C11orf65: variants seen among roughly 807,000 people sequenced by gnomAD.
C11orf65 encodes the protein protein MFI.
Under a neutral mutation model 35.3 loss-of-function variants are expected in C11orf65, and 38 were observed. The observed-to-expected ratio is 1.08, with a 90% CI of 0.83 to 1.41. The LOEUF is 1.41. Ranked by LOEUF, C11orf65 falls within the 40% of genes most tolerant of loss-of-function variation. The pLI is 0.00. For missense variants in C11orf65, 370 were observed against 367.1 expected (o/e 1.01, Z -0.06); for synonymous variants, 105 against 114.4 (o/e 0.92, Z 0.53).
At chr11:108,408,886 T>A (rs1426576443) in intron 3 of C11orf65, among the ~76,000 whole-genome samples, 1 of 151,986 alleles carries the variant, frequency 6.6e-6, no homozygotes, top group Non-Finnish European at 1.5e-5. Flanking sequence ...ATAGATGTTA[T>A]TCAACCTATA....
intron 2 of C11orf65, among the ~76,000 whole-genome samples, chr11:108,337,619 C>T (rs1457639182): frequency 1.3e-5 from 2 of 152,202 alleles, no homozygotes; most frequent in Non-Finnish European, 2.9e-5. Context: ...TTGAGACCCA[C>T]CAGTCTACTT....
intron 2 of C11orf65, among the ~76,000 whole-genome samples, chr11:108,457,998 C>T (rs1020691418): frequency 1.1e-4 from 17 of 152,132 alleles, no homozygotes; most frequent in Non-Finnish European, 1.9e-4. Flanking sequence ...ATGACTTTCA[C>T]AGTTAGCTCT....
Position 108,460,794 on chromosome 11 carries a change from C to T in C11orf65, c.81+685G>A, listed in dbSNP as rs143919391. On this transcript the variant is annotated intron_variant, in intron 2 of 8. Coordinates refer to ENST00000393084, the MANE Select transcript of C11orf65 (RefSeq NM_152587.5). ...AGGCTGAAGTGCAATGGCGTGATCTCGGCTCATCACAACCTCCGCCTCCCA... is the reference window on the plus strand; with the variant it reads ...AGGCTGAAGTGCAATGGCGTGATCTTGGCTCATCACAACCTCCGCCTCCCA... 9.8e-3 allele frequency among the ~76,000 whole-genome samples: 1,490 copies of T among 152,110 alleles called. 30 individuals carry two copies. Among genetic ancestry groups the T allele is most frequent in the African/African-American group, 0.034 (1,410 of 41,484 alleles).
At chr11:108,311,489 AGACT>A (rs1305357327) in intron 6 of C11orf65, among the ~76,000 whole-genome samples, 1 of 152,156 alleles carries the variant, frequency 6.6e-6, no homozygotes, top group Non-Finnish European at 1.5e-5. Flanking sequence ...TGTGACCAGG[AGACT>A]GAGACCAGCT....
chr11:108,453,081 A>G (rs1244318334), intron 2 of C11orf65, among the ~76,000 whole-genome samples: 3 of 149,756 alleles, frequency 2.0e-5, no homozygotes, highest in African/African-American at 7.4e-5. Flanking sequence ...GCACACCAAC[A>G]TGGCACATGT....
At chr11:108,466,921 T>C (rs1244649278) in intron 1 of C11orf65, among the ~76,000 whole-genome samples, 1 of 152,234 alleles carries the variant, frequency 6.6e-6, no homozygotes, top group Non-Finnish European at 1.5e-5. Context: ...GTGGCCTTTA[T>C]AAGTTTCGTA....
rs876660927 is a variant in C11orf65, at chr11:108,345,795, G to A, written c.227-10503C>T. On this transcript the variant is annotated intron_variant, in intron 2 of 3. Coordinates refer to the C11orf65 transcript ENST00000524755. ...AAATATGAAGTCTTCATGGATGTTT[G>A]CCAAAATTTTCAACCAGTTTTCCGT... is the stretch of plus-strand genomic sequence containing the variant. 3 of 1,613,700 alleles carry A rather than the reference G, an allele frequency of 1.9e-6. No homozygotes were observed. The East Asian group carries it at 6.7e-5, about 36-fold the overall frequency.
At chr11:108,413,859 TTGAAATAAA>T (rs1591502441) in intron 3 of C11orf65, among the ~76,000 whole-genome samples, 1 of 151,990 alleles carries the variant, frequency 6.6e-6, no homozygotes, top group Admixed American at 6.6e-5. Context: ...TAAAAATACT[TTGAAATAAA>T]TGAAAACGAA....
intron 2 of C11orf65, among the ~76,000 whole-genome samples, chr11:108,376,036 G>A (rs2091714611): frequency 6.6e-6 from 1 of 151,990 alleles, no homozygotes; most frequent in Non-Finnish European, 1.5e-5. Context: ...CAATAATAAT[G>A]GGAGACTTTA....
intron 6 of C11orf65, among the ~76,000 whole-genome samples, chr11:108,404,086 A>AGTC (rs1245155419): frequency 6.6e-6 from 1 of 152,044 alleles, no homozygotes; most frequent in East Asian, 1.9e-4. Context: ...TGTTCTTTCC[A>AGTC]AATCCCTGAC....
At chr11:108,382,215 A>G (rs1198702230), downstream of C11orf65, among the ~76,000 whole-genome samples, 1 of 152,122 alleles carries the variant, frequency 6.6e-6, no homozygotes, top group African/African-American at 2.4e-5. Flanking sequence ...TGAGATAATA[A>G]CTGTTGCTTT....
rs2136057998 is a variant in C11orf65, at chr11:108,312,399, T to C, written c.641-3328A>G. ...ATGTTCTCATTAAAAGAGGTGTTCT[T>C]GTGACAAACAGAAGTCTTGCATTTG... On this transcript the variant is annotated intron_variant, in intron 6 of 6. Transcript: ENST00000525729. The C allele has an allele frequency of 1.3e-6, 2 of 1,557,090 alleles. No homozygotes were observed. The highest frequency in any genetic ancestry group is 1.8e-6 in the Non-Finnish European group (2 of 1,128,284).
At chr11:108,385,750 T>C (rs1329082576) in intron 8 of C11orf65, among the ~76,000 whole-genome samples, 170 bp downstream of exon 8, 1 of 152,190 alleles carries the variant, frequency 6.6e-6, no homozygotes, top group Non-Finnish European at 1.5e-5. Context: ...GACATTTCCT[T>C]CTATTCCCAA....
rs187352962 is a variant in C11orf65, at chr11:108,422,174, C to T, written c.174+9572G>A. 8.5e-5 allele frequency among the ~76,000 whole-genome samples: 13 copies of T among 152,272 alleles called. 1 individual carries two copies. The highest frequency in any genetic ancestry group is 4.1e-4 in the South Asian group (2 of 4,824). On this transcript the variant is annotated intron_variant, in intron 3 of 8. Coordinates refer to ENST00000393084, the MANE Select transcript of C11orf65 (RefSeq NM_152587.5). ...CGAACTCCTGACCTCATGATCCGCC[C>T]GACTCAGCCTCCCAAAGTGCTGGGA...
chr11:108,425,270 A>G (rs1371187181), intron 3 of C11orf65, among the ~76,000 whole-genome samples: 2 of 152,162 alleles, frequency 1.3e-5, no homozygotes, highest in Non-Finnish European at 2.9e-5. Context: ...ACTAACAAAG[A>G]AGAGAGAAGA....
rs780492801 is a variant in C11orf65, at chr11:108,354,897, CTT to C, written c.227-19607_227-19606del. The C allele has an allele frequency of 8.0e-5, 128 of 1,594,994 alleles. No individual in the cohort carries two copies. In the South Asian group the frequency reaches 1.0e-3, roughly 13 times the overall value. ...GAGGTAAAGTATTTTATAAGGAAGA[CTT>C]TATTTTTTTTCTTACCAGGTAGACT... On this transcript the variant is annotated intron_variant, in intron 2 of 3. Coordinates refer to the C11orf65 transcript ENST00000524755.
At chr11:108,332,114 G>T (rs751634023) in intron 3 of C11orf65, 3 of 1,554,520 alleles carry the variant, frequency 1.9e-6, no homozygotes, top group Admixed American at 1.8e-5. Context: ...TTAAAATCTT[G>T]TGTTATTAAG....
chr11:108,357,069 C>T (rs1591328953), intron 2 of C11orf65, among the ~76,000 whole-genome samples: 1 of 152,194 alleles, frequency 6.6e-6, no homozygotes, highest in Non-Finnish European at 1.5e-5. Flanking sequence ...AGACAGTGGG[C>T]GCAGGTCAGT....
At chr11:108,428,611 T>C (rs1351780354) in intron 3 of C11orf65, among the ~76,000 whole-genome samples, 1 of 151,918 alleles carries the variant, frequency 6.6e-6, no homozygotes, top group Non-Finnish European at 1.5e-5. Context: ...AGTTGAACAA[T>C]GAGAACACAT....
Sources: gnomAD v4.1 joint callset for allele counts (sites outside exome capture counted in the v4.1 genomes callset) on GRCh38, gnomAD v4.1.1 for gene constraint, MANE v1.5 for transcripts, NCBI Gene and HGNC (gene_info 2026-07-23, HGNC 2026-07-21) for gene names.